The following NFATC2 variants were observed in gnomAD, a reference collection of about 807,000 sequenced individuals.
The protein encoded by NFATC2 is nuclear factor of activated T-cells, cytoplasmic 2.
NFATC2 carries 22 observed loss-of-function variants against 87.3 expected under a neutral mutation model. The observed-to-expected ratio is 0.25, with a 90% CI of 0.18 to 0.36. NFATC2 has a LOEUF of 0.36. NFATC2 is among the 10% of genes least tolerant of loss of function. The probability of loss-of-function intolerance (pLI) is 1.00; values close to 1 mark genes in which losing one functional copy is unlikely to be tolerated. For missense variants in NFATC2, 1,149 were observed against 1,259.1 expected (o/e 0.91, Z 1.32); for synonymous variants, 565 against 542.2 (o/e 1.04, Z -0.58).
intron 3 of NFATC2, among the ~76,000 whole-genome samples, chr20:51,479,436 G>A (rs1395515128): frequency 6.6e-6 from 1 of 152,126 alleles, no homozygotes; most frequent in Non-Finnish European, 1.5e-5. Flanking sequence ...TGGACAACAT[G>A]GCCTGACCCG....
At position 51,395,736 on chromosome 20, in the gene NFATC2, A is replaced by G. The variant is rs541253431; in HGVS notation, c.*44+2907T>C. Among the ~76,000 whole-genome samples, 18 of 151,140 alleles carry G rather than the reference A, an allele frequency of 1.2e-4. 1 individual carries two copies. The highest frequency in any genetic ancestry group is 1.2e-3 in the Admixed American group (18 of 15,240). ...TGCTGTAACATTTTCAGTATATATG[A>G]CAAAGTCATTTATATATAAAGAGGT... On this transcript the variant is annotated intron_variant, in intron 10 of 10. Coordinates refer to ENST00000371564, the MANE Select transcript of NFATC2 (RefSeq NM_012340.5).
At chr20:51,415,387 G>A (rs1979905956) in intron 9 of NFATC2, among the ~76,000 whole-genome samples, 1 of 152,122 alleles carries the variant, frequency 6.6e-6, no homozygotes, top group Non-Finnish European at 1.5e-5. Flanking sequence ...GACAAGGCTG[G>A]AGTCAACATC....
chr20:51,478,342 T>A (rs1358674868), intron 3 of NFATC2, among the ~76,000 whole-genome samples: 1 of 152,234 alleles, frequency 6.6e-6, no homozygotes, highest in East Asian at 1.9e-4. Context: ...TCTCCTCTCC[T>A]GGATTTATCA....
At chr20:51,416,523 T>C (rs1980060985) in intron 9 of NFATC2, among the ~76,000 whole-genome samples, 1 of 152,126 alleles carries the variant, frequency 6.6e-6, no homozygotes, top group Admixed American at 6.5e-5. Flanking sequence ...CGTTCAAATC[T>C]GGGAGAGGCT....
intron 5 of NFATC2, among the ~76,000 whole-genome samples, chr20:51,460,750 G>T (rs1489715772): frequency 6.6e-6 from 1 of 152,044 alleles, no homozygotes; most frequent in Non-Finnish European, 1.5e-5. Context: ...TGGGATCATA[G>T]GCATGAGCCA....
chr20:51,562,348 T>C lies in NFATC2; in HGVS notation c.70+212A>G, dbSNP rs1371860325. Among the ~76,000 whole-genome samples, 1 of 152,116 alleles carries C rather than the reference T, an allele frequency of 6.6e-6. No individual in the cohort carries two copies. Among genetic ancestry groups the C allele is most frequent in the Non-Finnish European group, 1.5e-5 (1 of 67,996 alleles). ...ACTTCCCTGCCCCCGCGTAAAGTTG[T>C]CCAAAGTCGCCTTCCCAAGTGTCCC... On this transcript the variant is annotated intron_variant, in intron 1 of 10. Transcript: ENST00000414705. The surrounding 1 kb of genome is among the most constrained non-coding windows in gnomAD (Gnocchi z 5.8).
At position 51,524,096 on chromosome 20, in the gene NFATC2, G is replaced by A. The variant is rs1462933140; in HGVS notation, c.145C>T (p.His49Tyr). The A allele has an allele frequency of 2.7e-6, 4 of 1,465,860 alleles. No homozygotes were observed. Among genetic ancestry groups the A allele is most frequent in the African/African-American group, 2.9e-5 (2 of 68,444 alleles). The allele number at this position is 1,465,860 out of a possible 1,614,324, so 90.8% of individuals were successfully genotyped here. The change falls in exon 2 of 11, where the codon CAT becomes TAT. Residue 49 changes from histidine to tyrosine, a missense_variant. Physicochemically the swap from His to Tyr is moderately conservative, Grantham distance 83. This residue lies in a region of NFATC2 where 563 missense variants were observed against 585.2 expected (regional missense o/e 0.96). Coordinates refer to ENST00000371564, the MANE Select transcript of NFATC2 (RefSeq NM_012340.5). This position sits in a 1 kb window ranked among gnomAD's most constrained non-coding sequence, Gnocchi z 4.0. Reference protein sequence around the residue: ...LNPNEEEPNAHKVASPPSGPA... With the variant: ...LNPNEEEPNAYKVASPPSGPA... Reference sequence around the variant, plus strand: ...CCGGAGGGTGGGCTGGCGACCTTATGTGCATTCGGCTCTTCTGGAAAGAGA... The same window carrying A: ...CCGGAGGGTGGGCTGGCGACCTTATATGCATTCGGCTCTTCTGGAAAGAGA...
rs556716640 is a variant in NFATC2 at position 51,561,871 on chromosome 20, C to T, written c.70+689G>A. Among the ~76,000 whole-genome samples the T allele has an allele frequency of 2.0e-5, 3 of 152,152 alleles. No individual in the cohort carries two copies. In the South Asian group the frequency reaches 6.2e-4, roughly 32 times the overall value. On this transcript the variant is annotated intron_variant, in intron 1 of 10. Coordinates refer to the NFATC2 transcript ENST00000414705. Reference sequence around the variant, plus strand: ...TATCTTATGCTCCTTATAGTTAACCCCCTCCCATAAGATCCAAGTGGTGTG... The same window carrying T: ...TATCTTATGCTCCTTATAGTTAACCTCCTCCCATAAGATCCAAGTGGTGTG...
intron 3 of NFATC2, among the ~76,000 whole-genome samples, chr20:51,490,982 G>A (rs2075872392): frequency 6.6e-6 from 1 of 152,038 alleles, no homozygotes; most frequent in Non-Finnish European, 1.5e-5. Context: ...GATCATCAAG[G>A]GATGATTAAG....
intron 3 of NFATC2, among the ~76,000 whole-genome samples, chr20:51,488,226 TA>T (rs2075817529): frequency 6.6e-6 from 1 of 152,202 alleles, no homozygotes; most frequent in African/African-American, 2.4e-5. Flanking sequence ...TCAGGATTAT[TA>T]ATACACATTC....
intron 1 of NFATC2, among the ~76,000 whole-genome samples, chr20:51,540,665 T>TG (rs1198460118): frequency 4.9e-5 from 7 of 143,878 alleles, no homozygotes; most frequent in Non-Finnish European, 1.0e-4. Context: ...TTTGTTTTTT[T>TG]TTTTTTGAGA....
At chr20:51,516,463 G>A (rs533463950) in intron 3 of NFATC2, among the ~76,000 whole-genome samples, 35 of 152,236 alleles carry the variant, frequency 2.3e-4, no homozygotes, top group African/African-American at 8.2e-4. Context: ...AACTTAAGGT[G>A]ATGGTTTCAG....
At chr20:51,479,443 C>A (rs1383419561) in intron 3 of NFATC2, among the ~76,000 whole-genome samples, 2 of 152,092 alleles carry the variant, frequency 1.3e-5, no homozygotes, top group East Asian at 3.9e-4. Context: ...CATGGCCTGA[C>A]CCGTCTCCAC....
chr20:51,523,511 G>C lies in NFATC2; in HGVS notation c.730C>G (p.Arg244Gly), dbSNP rs1037062260. ...CGCTTGGCACCAGGCGATGAGGAGC[G>C]GGAGGCCGGACGGGGCACGGGCGAG... is the stretch of plus-strand genomic sequence containing the variant. Reference protein sequence around the residue: ...RHSPVPRPASRSSSPGAKRRH... With the variant: ...RHSPVPRPASGSSSPGAKRRH... Residue 244 changes from arginine to glycine, a missense_variant, in exon 2 of 11, where the codon CGC (arginine) becomes GGC (glycine). Physicochemically the swap from Arg to Gly is moderately radical, Grantham distance 125 (BLOSUM62 -2). Transcript: ENST00000371564. The surrounding 1 kb of genome is among the most constrained non-coding windows in gnomAD (Gnocchi z 6.9). 3.7e-6 allele frequency: 6 copies of C among 1,613,076 alleles called. No homozygotes were observed. In the African/African-American group the frequency reaches 4.0e-5, roughly 11 times the overall value.
intron 3 of NFATC2, among the ~76,000 whole-genome samples, chr20:51,501,661 C>T (rs747390620): frequency 1.5e-4 from 23 of 152,202 alleles, no homozygotes; most frequent in Admixed American, 2.6e-4. Flanking sequence ...TTCCATCCCC[C>T]ATTCCTGCCT....
At chr20:51,527,113 C>A (rs1231740253) in intron 1 of NFATC2, among the ~76,000 whole-genome samples, 1 of 151,848 alleles carries the variant, frequency 6.6e-6, no homozygotes, top group Non-Finnish European at 1.5e-5. Flanking sequence ...GTTGCCCAGG[C>A]TAGTCTCCAA....
At chr20:51,488,253 G>A (rs969643501) in intron 3 of NFATC2, among the ~76,000 whole-genome samples, 4 of 152,150 alleles carry the variant, frequency 2.6e-5, no homozygotes, top group Admixed American at 1.3e-4. Context: ...GTGAAGAATC[G>A]GGTGCTTCTC....
intron 3 of NFATC2, among the ~76,000 whole-genome samples, chr20:51,498,480 C>T (rs1302385124): frequency 6.6e-6 from 1 of 152,080 alleles, no homozygotes; most frequent in Admixed American, 6.6e-5. Flanking sequence ...GAAGAGAGAA[C>T]ATATATCAGG....
chr20:51,410,542 G>A (rs1979061282), intron 9 of NFATC2, among the ~76,000 whole-genome samples: 1 of 151,586 alleles, frequency 6.6e-6, no homozygotes, highest in Non-Finnish European at 1.5e-5. Context: ...TTAAAGGAAA[G>A]GAAGAGAGGG....
Sources: gnomAD v4.1 joint callset for allele counts (sites outside exome capture counted in the v4.1 genomes callset) on GRCh38, gnomAD v4.1.1 for gene constraint, gnomAD v4.1.1 regional missense constraint, Gnocchi (gnomAD v3.1) non-coding constraint, MANE v1.5 for transcripts, NCBI Gene and HGNC (gene_info 2026-07-23, HGNC 2026-07-21) for gene names.